Variants in ACAA2 observed in about 807,000 individuals in gnomAD.
The protein encoded by ACAA2 is 3-ketoacyl-CoA thiolase, mitochondrial.
In ACAA2, 35 loss-of-function variants were observed where a neutral mutation model predicts 44.8. The observed-to-expected ratio is 0.78, with a 90% CI of 0.60 to 1.04. The LOEUF (loss-of-function observed/expected upper bound fraction) is 1.04, where lower values mean the gene tolerates loss of function less well. ACAA2 is among the 50% of genes least tolerant of loss of function. The probability of loss-of-function intolerance (pLI) is 0.00; values close to 1 mark genes in which losing one functional copy is unlikely to be tolerated. For missense variants in ACAA2, 468 were observed against 482.6 expected (o/e 0.97, Z 0.28); for synonymous variants, 142 against 166.5 (o/e 0.85, Z 1.13).
chr18:49,808,335 C>A (rs1435816316), intron 1 of ACAA2, among the ~76,000 whole-genome samples: 1 of 152,188 alleles, frequency 6.6e-6, no homozygotes, highest in African/African-American at 2.4e-5. Context: ...ATGTATGATA[C>A]AGCAATCAGG....
At chr18:49,792,607 G>A (rs1423345275) in intron 5 of ACAA2, among the ~76,000 whole-genome samples, 6 of 152,052 alleles carry the variant, frequency 3.9e-5, no homozygotes, top group South Asian at 4.1e-4. Flanking sequence ...ACCATGCCCG[G>A]CTAATTTTTT....
intron 7 of ACAA2, among the ~76,000 whole-genome samples, chr18:49,788,809 C>T (rs140330035): frequency 5.9e-5 from 9 of 152,320 alleles, no homozygotes; most frequent in African/African-American, 1.9e-4. Context: ...TTTTAAAGGA[C>T]TCTTCCCAGA....
chr18:49,811,654 GAGA>G (rs558960443), intron 1 of ACAA2: 15 of 152,236 alleles, frequency 9.9e-5, no homozygotes, highest in African/African-American at 3.6e-4. Flanking sequence ...TGCTGCTTGA[GAGA>G]AGTTTATCTT....
intron 2 of ACAA2, among the ~76,000 whole-genome samples, chr18:49,801,785 C>CATATATATAT (rs55864039): frequency 0.011 from 1,209 of 112,096 alleles, 37 homozygotes; most frequent in African/African-American, 0.026. Flanking sequence ...AGAAACTGAT[C>CATATATATAT]ATATATATAT....
chr18:49,792,923 A>G (rs1224338983), intron 5 of ACAA2, among the ~76,000 whole-genome samples: 1 of 152,134 alleles, frequency 6.6e-6, no homozygotes, highest in African/African-American at 2.4e-5. Flanking sequence ...GTTTATGTAG[A>G]TGCATTTTGC....
Position 49,783,926 on chromosome 18 carries a change from C to T in ACAA2, c.1115G>A (p.Arg372Gln), listed in dbSNP as rs371793129. 3.5e-5 allele frequency: 57 copies of T among 1,613,848 alleles called. No homozygotes were observed. The highest frequency in any genetic ancestry group is 3.1e-4 in the South Asian group (28 of 91,060). The part of the protein sequence containing the change: ...TAHLVHELRR[R>Q]GGKYAVGSAC... The stretch of plus-strand genomic sequence containing the variant: ...TGATCCAACGGCATATTTTCCACCT[C>T]GACGCCTGAAAAAGAAAGCAGTGAC... Residue 372 changes from arginine (R) to glutamine (Q), a missense_variant, in exon 10 of 10, where the codon CGA becomes CAA. Arg to Gln is a conservative substitution (Grantham distance 43). Transcript: ENST00000285093.
chr18:49,792,055 TA>T, intron 6 of ACAA2, 96 bp downstream of exon 6: 1 of 985,436 alleles, frequency 1.0e-6, no homozygotes, highest in Non-Finnish European at 1.5e-6. Context: ...GCTAAACAAC[TA>T]AAGACTGGCA....
intron 2 of ACAA2, among the ~76,000 whole-genome samples, chr18:49,800,884 G>T (rs1314083184): frequency 1.0e-5 from 1 of 97,852 alleles, no homozygotes; most frequent in Admixed American, 1.2e-4. Flanking sequence ...ACCCAAGAAT[G>T]ATCAATAAAA....
intron 8 of ACAA2, 182 bp from the exon 9 acceptor site, chr18:49,785,533 C>T (rs528613449): frequency 4.9e-6 from 3 of 609,170 alleles, no homozygotes; most frequent in Non-Finnish European, 8.4e-6. Context: ...TGTATATTTA[C>T]TAAATAATAC....
chr18:49,792,606 G>A (rs1193944313), intron 5 of ACAA2, among the ~76,000 whole-genome samples: 5 of 151,930 alleles, frequency 3.3e-5, no homozygotes, highest in African/African-American at 7.3e-5. Context: ...CACCATGCCC[G>A]GCTAATTTTT....
At chr18:49,811,351 C>A (rs534936919) in intron 1 of ACAA2, 1 of 152,248 alleles carries the variant, frequency 6.6e-6, no homozygotes, top group South Asian at 2.1e-4. Flanking sequence ...CGGTGGCATC[C>A]AGTTGTTTCA....
At chr18:49,787,717 A>C (rs1475928190) in intron 7 of ACAA2, among the ~76,000 whole-genome samples, 3 of 152,212 alleles carry the variant, frequency 2.0e-5, no homozygotes, top group Non-Finnish European at 4.4e-5. Flanking sequence ...CAAACTGCAG[A>C]TAAGAGAATT....
At chr18:49,793,413 G>A (rs2023428895) in intron 5 of ACAA2, among the ~76,000 whole-genome samples, 1 of 152,130 alleles carries the variant, frequency 6.6e-6, no homozygotes, top group Non-Finnish European at 1.5e-5. Flanking sequence ...TCTTACAGAG[G>A]TTCAGTGAAT....
chr18:49,798,235 C>T (rs1159067997), intron 2 of ACAA2, among the ~76,000 whole-genome samples: 2 of 152,144 alleles, frequency 1.3e-5, no homozygotes, highest in African/African-American at 2.4e-5. Context: ...TAATGTAAAA[C>T]AGGCTGAGGA....
Position 49,802,817 on chromosome 18 carries a change from C to CCAAAGGGCGTTCGCTT in ACAA2, c.37_52dup (p.Gly18GlufsTer19), listed in dbSNP as rs1415503498. 1 of 1,614,142 alleles carries CCAAAGGGCGTTCGCTT rather than the reference C, an allele frequency of 6.2e-7. No homozygotes were observed. The highest frequency in any genetic ancestry group is 1.1e-5 in the South Asian group (1 of 91,074). On this transcript the variant is annotated frameshift_variant, in exon 2 of 10. Transcript: ENST00000285093. LOFTEE classifies it high-confidence loss of function. ...GTCTTTCAGAAGGCCTCCGTAAGCT[C>CCAAAGGGCGTTCGCTT]CAAAGGGCGTTCGCTTAGCAGCAAC... is the stretch of plus-strand genomic sequence containing the variant.
rs572431470 is a variant in ACAA2 at position 49,798,065 on chromosome 18, G to A, written c.184-471C>T. 9.2e-5 allele frequency among the ~76,000 whole-genome samples: 14 copies of A among 152,262 alleles called. No homozygotes were observed. The South Asian group carries it at 2.5e-3, about 27-fold the overall frequency. On this transcript the variant is annotated intron_variant, in intron 2 of 9. Transcript: ENST00000285093. Reference sequence around the variant, plus strand: ...TATGCTCCTTAACAGAGGAAGTATCGGAGGCTGTGGTTCTCAACCTTGGTT... The same window carrying A: ...TATGCTCCTTAACAGAGGAAGTATCAGAGGCTGTGGTTCTCAACCTTGGTT...
intron 1 of ACAA2, chr18:49,813,078 C>T: frequency 5.5e-6 from 1 of 182,064 alleles, no homozygotes; most frequent in Non-Finnish European, 1.1e-5. Flanking sequence ...CGAGGCCGAG[C>T]GGCGGGCTCC....
At chr18:49,810,972 A>T in intron 1 of ACAA2, among the ~76,000 whole-genome samples, 1 of 55,114 alleles carries the variant, frequency 1.8e-5, no homozygotes, top group Non-Finnish European at 4.5e-5. Context: ...TAAAGGTTTA[A>T]AGTTTTTTTT....
At chr18:49,800,925 A>G (rs1014555184) in intron 2 of ACAA2, among the ~76,000 whole-genome samples, 3 of 151,388 alleles carry the variant, frequency 2.0e-5, no homozygotes, top group Non-Finnish European at 4.4e-5. Context: ...AGCTATCATC[A>G]TATGTAAAGT....
Sources: gnomAD v4.1 joint callset for allele counts (sites outside exome capture counted in the v4.1 genomes callset) on GRCh38, gnomAD v4.1.1 for gene constraint, MANE v1.5 for transcripts, NCBI Gene and HGNC (gene_info 2026-07-23, HGNC 2026-07-21) for gene names.